ARHGAP19: variants seen among roughly 807,000 people sequenced by gnomAD.
ARHGAP19 encodes the protein rho GTPase-activating protein 19.
A neutral mutation model predicts 60.9 loss-of-function variants in ARHGAP19; 48 were observed. The ratio of observed to expected loss-of-function variants is 0.79; its 90% CI spans 0.62 to 1.00. ARHGAP19 has a LOEUF of 1.00. Among genes scored for constraint, ARHGAP19 ranks in the 50% least tolerant of loss-of-function variants. The pLI, the probability that ARHGAP19 is intolerant of heterozygous loss-of-function variation, is 0.00. For synonymous variants in ARHGAP19, 209 were observed against 215.5 expected (o/e 0.97, Z 0.27); for missense variants, 562 against 597.2 (o/e 0.94, Z 0.61).
chr10:97,259,290 T>A (rs1465576320), intron 5 of ARHGAP19, 112 bp downstream of exon 5: 2 of 870,188 alleles, frequency 2.3e-6, no homozygotes, highest in Non-Finnish European at 3.7e-6. Flanking sequence ...CCCAACCTCA[T>A]AAAGCTGAAG....
intron 1 of ARHGAP19, among the ~76,000 whole-genome samples, chr10:97,290,021 C>T (rs532292513): frequency 1.6e-4 from 25 of 151,998 alleles, no homozygotes; most frequent in Non-Finnish European, 3.1e-4. Context: ...GTATCAATCA[C>T]CTCTACAGTT....
intron 4 of ARHGAP19, among the ~76,000 whole-genome samples, chr10:97,261,845 T>C (rs1189995251): frequency 6.6e-6 from 1 of 152,132 alleles, no homozygotes; most frequent in African/African-American, 2.4e-5. Context: ...ATAACAGACG[T>C]GCAATTTAAG....
Position 97,242,804 on chromosome 10 carries a change from A to G in ARHGAP19, c.1185+1164T>C, listed in dbSNP as rs190520112. Among the ~76,000 whole-genome samples the G allele has an allele frequency of 2.8e-3, 422 of 151,604 alleles. 2 individuals carry two copies. The highest frequency in any genetic ancestry group is 9.0e-3 in the African/African-American group (371 of 41,354). On this transcript the variant is annotated intron_variant, in intron 8 of 11. Coordinates refer to ENST00000358531, the MANE Select transcript of ARHGAP19 (RefSeq NM_032900.6). ...GCTGGGATTACAGGCGTGAGCCACC[A>G]TGCCCGGCCCTAATTTTGTATTTTT...
chr10:97,231,307 A>G (rs913540319), intron 9 of ARHGAP19, among the ~76,000 whole-genome samples: 1 of 152,160 alleles, frequency 6.6e-6, no homozygotes, highest in African/African-American at 2.4e-5. Flanking sequence ...TAAAATGAAC[A>G]TAACATAAAA....
intron 8 of ARHGAP19, among the ~76,000 whole-genome samples, chr10:97,239,002 C>G (rs1052400728): frequency 6.6e-6 from 1 of 152,162 alleles, no homozygotes; most frequent in Non-Finnish European, 1.5e-5. Context: ...CAATTGCCTA[C>G]AGTACTCAGT....
rs552192738 is a variant in ARHGAP19 at position 97,239,234 on chromosome 10, C to A, written c.1186-3919G>T. 1.5e-4 allele frequency among the ~76,000 whole-genome samples: 23 copies of A among 152,300 alleles called. No homozygotes were observed. The South Asian group carries it at 4.6e-3, about 30-fold the overall frequency. ...AGTGGGCCGGGAGCGGTGGCTCACGCCTGTAATCCCAACACTTTGGGAGGC... is the reference window on the plus strand; with the variant it reads ...AGTGGGCCGGGAGCGGTGGCTCACGACTGTAATCCCAACACTTTGGGAGGC... On this transcript the variant is annotated intron_variant, in intron 8 of 11. Transcript: ENST00000358531.
intron 6 of ARHGAP19, among the ~76,000 whole-genome samples, chr10:97,249,125 G>A (rs1357750180): frequency 1.3e-5 from 2 of 152,148 alleles, no homozygotes; most frequent in Non-Finnish European, 2.9e-5. Flanking sequence ...GAGAGAGAAT[G>A]AGACAAAGAA....
chr10:97,243,564 A>G (rs1404985493), intron 8 of ARHGAP19, among the ~76,000 whole-genome samples: 2 of 152,240 alleles, frequency 1.3e-5, no homozygotes, highest in Non-Finnish European at 2.9e-5. Flanking sequence ...CACTCTACAC[A>G]GATTATCTCT....
intron 8 of ARHGAP19, among the ~76,000 whole-genome samples, chr10:97,239,559 T>C (rs1221054556): frequency 2.1e-3 from 25 of 11,844 alleles, no homozygotes; most frequent in African/African-American, 2.7e-3. Context: ...AGGGTGTGTG[T>C]GTGTGTGTGT....
At chr10:97,281,121 G>A (rs1400653373) in intron 1 of ARHGAP19, among the ~76,000 whole-genome samples, 1 of 151,010 alleles carries the variant, frequency 6.6e-6, no homozygotes, top group African/African-American at 2.4e-5. Context: ...AGCGGCTCAT[G>A]TCTATAATTC....
chr10:97,281,017 A>C (rs191897158), intron 1 of ARHGAP19, among the ~76,000 whole-genome samples: 1 of 152,300 alleles, frequency 6.6e-6, no homozygotes, highest in East Asian at 1.9e-4. Context: ...ATACTATCCA[A>C]GAGACAGCTA....
intron 9 of ARHGAP19, among the ~76,000 whole-genome samples, chr10:97,234,922 A>G (rs1346028770): frequency 6.6e-6 from 1 of 152,186 alleles, no homozygotes; most frequent in Non-Finnish European, 1.5e-5. Context: ...TCAGAAAACA[A>G]AAGGGCCTCT....
intron 1 of ARHGAP19, among the ~76,000 whole-genome samples, chr10:97,272,282 C>T (rs971637713): frequency 2.6e-5 from 4 of 151,834 alleles, no homozygotes; most frequent in African/African-American, 9.7e-5. Flanking sequence ...ACTAGGCACA[C>T]GCCACCCCAC....
At chr10:97,231,957 T>C (rs1168190522) in intron 9 of ARHGAP19, among the ~76,000 whole-genome samples, 1 of 150,312 alleles carries the variant, frequency 6.7e-6, no homozygotes, top group Non-Finnish European at 1.5e-5. Flanking sequence ...CACATCCTCA[T>C]CAACATTTGT....
chr10:97,232,560 C>G (rs1051365272), intron 9 of ARHGAP19, among the ~76,000 whole-genome samples: 3 of 152,050 alleles, frequency 2.0e-5, no homozygotes, highest in African/African-American at 7.2e-5. Flanking sequence ...ATATGATTTG[C>G]AAATATTTTC....
At chr10:97,243,439 T>C (rs1357207716) in intron 8 of ARHGAP19, among the ~76,000 whole-genome samples, 1 of 152,194 alleles carries the variant, frequency 6.6e-6, no homozygotes, top group Non-Finnish European at 1.5e-5. Context: ...TAAACAAACT[T>C]AGCCACCAGA....
intron 11 of ARHGAP19, among the ~76,000 whole-genome samples, chr10:97,228,845 T>C (rs979261549): frequency 6.6e-6 from 1 of 152,238 alleles, no homozygotes; most frequent in Non-Finnish European, 1.5e-5. Context: ...TCATTTACAC[T>C]TGTTTTTAAT....
At position 97,263,469 on chromosome 10, in the gene ARHGAP19, CG is replaced by C. The variant is rs760101189; in HGVS notation, c.563del (p.Pro188ArgfsTer5). ...TLLKMFLGEL[P>X]EPLLTHKHFN... ...AGTGTTTATGTGTCAGCAGAGGCTC[CG>C]GCAACTCTCCTAGAAACATCTTCAG... On this transcript the variant is annotated frameshift_variant, in exon 4 of 12. Coordinates refer to ENST00000358531, the MANE Select transcript of ARHGAP19 (RefSeq NM_032900.6). LOFTEE classifies it high-confidence loss of function. 28 of 1,613,944 alleles carry C rather than the reference CG, an allele frequency of 1.7e-5. 1 individual carries two copies. The South Asian group carries it at 3.1e-4, about 18-fold the overall frequency.
intron 3 of ARHGAP19, among the ~76,000 whole-genome samples, chr10:97,264,452 C>A (rs1466965130): frequency 4.3e-5 from 6 of 138,312 alleles, no homozygotes; most frequent in African/African-American, 1.1e-4. Context: ...GACCTTGTCT[C>A]AAAAAAAAAA....
Sources: allele counts gnomAD v4.1 joint callset (sites outside exome capture counted in the v4.1 genomes callset), GRCh38; gene constraint gnomAD v4.1.1; transcripts MANE v1.5; gene names NCBI Gene and HGNC (gene_info 2026-07-23, HGNC 2026-07-21).